Variants in SRGAP3 observed in about 807,000 individuals in gnomAD.
SRGAP3 encodes the protein SLIT-ROBO Rho GTPase-activating protein 3.
In SRGAP3, 39 loss-of-function variants were observed where a neutral mutation model predicts 121.1. That is an observed-to-expected ratio of 0.32 (90% CI 0.25 to 0.42). The LOEUF is 0.42. Among genes scored for constraint, SRGAP3 ranks in the 10% least tolerant of loss-of-function variants. The pLI is 1.00. For missense variants in SRGAP3, 1,213 were observed against 1,470.6 expected (o/e 0.82, Z 2.86); for synonymous variants, 601 against 570.0 (o/e 1.05, Z -0.77).
intron 1 of SRGAP3, among the ~76,000 whole-genome samples, chr3:9,341,066 G>A (rs1211807893): frequency 2.0e-5 from 3 of 152,226 alleles, no homozygotes; most frequent in African/African-American, 7.2e-5. Flanking sequence ...CAGAAAGAGA[G>A]AATGGGAATC....
rs60627619 is a variant in SRGAP3 at position 8,995,368 on chromosome 3, C to T, written c.2228-845G>A. Among the ~76,000 whole-genome samples the T allele has an allele frequency of 5.3e-5, 8 of 152,184 alleles. No homozygotes were observed. In the East Asian group the frequency reaches 1.4e-3, roughly 26 times the overall value. On this transcript the variant is annotated intron_variant, in intron 18 of 21. Transcript: ENST00000383836. Reference sequence around the variant, plus strand: ...GCACGTGCCTGTGGTGCCAGCTACTCTAGGGCCCGAGGCAGGAAGATCACT... The same window carrying T: ...GCACGTGCCTGTGGTGCCAGCTACTTTAGGGCCCGAGGCAGGAAGATCACT...
chr3:8,996,081 GT>G (rs1267349635), intron 18 of SRGAP3, among the ~76,000 whole-genome samples: 1 of 152,190 alleles, frequency 6.6e-6, no homozygotes, highest in Non-Finnish European at 1.5e-5. Flanking sequence ...GGGATACTTA[GT>G]TTTTCTTTCT....
At chr3:9,342,439 C>G (rs969590393) in intron 1 of SRGAP3, among the ~76,000 whole-genome samples, 1 of 152,136 alleles carries the variant, frequency 6.6e-6, no homozygotes, top group Admixed American at 6.6e-5. Flanking sequence ...CTTGGTGGTA[C>G]TCTACATACA....
At chr3:9,247,279 G>T (rs1160565644) in intron 1 of SRGAP3, among the ~76,000 whole-genome samples, 2 of 152,086 alleles carry the variant, frequency 1.3e-5, no homozygotes, top group Non-Finnish European at 2.9e-5. Flanking sequence ...CCAATAAAGC[G>T]CTTATTTCTA....
chr3:9,225,552 G>T (rs1466844471), intron 1 of SRGAP3, among the ~76,000 whole-genome samples: 1 of 152,154 alleles, frequency 6.6e-6, no homozygotes, highest in Non-Finnish European at 1.5e-5. Flanking sequence ...GTGAGCCACA[G>T]GTACTTTTTA....
chr3:9,242,965 A>G (rs567629478), intron 1 of SRGAP3, among the ~76,000 whole-genome samples: 1 of 152,312 alleles, frequency 6.6e-6, no homozygotes, highest in Admixed American at 6.5e-5. Flanking sequence ...GACTACAGAC[A>G]TGAACCACTG....
chr3:9,284,311 A>G (rs914741870), intron 3 of SRGAP3, among the ~76,000 whole-genome samples: 1 of 152,242 alleles, frequency 6.6e-6, no homozygotes, highest in Non-Finnish European at 1.5e-5. Flanking sequence ...GAGATTTAAT[A>G]AATTAATAAT....
intron 3 of SRGAP3, among the ~76,000 whole-genome samples, chr3:9,314,274 G>A (rs1290859124): frequency 2.0e-5 from 3 of 151,974 alleles, no homozygotes; most frequent in Non-Finnish European, 2.9e-5. Flanking sequence ...AGATGTTCCA[G>A]GGCAGGTGTG....
chr3:9,059,621 A>C (rs956142471), intron 6 of SRGAP3: 4 of 174,546 alleles, frequency 2.3e-5, no homozygotes, highest in Admixed American at 5.5e-5. Flanking sequence ...CCCCAGCACC[A>C]CCGCTCACAG....
intron 3 of SRGAP3, among the ~76,000 whole-genome samples, chr3:9,255,427 T>C (rs1954110628): frequency 6.6e-6 from 1 of 152,184 alleles, no homozygotes; most frequent in African/African-American, 2.4e-5. Context: ...CCCTGTAAGA[T>C]GGCAAAGATG....
intron 3 of SRGAP3, among the ~76,000 whole-genome samples, chr3:9,089,420 A>G (rs1448141207): frequency 6.6e-6 from 1 of 151,818 alleles, no homozygotes; most frequent in East Asian, 1.9e-4. Context: ...ACTCATAGCA[A>G]CTTACTATAA....
chr3:9,167,692 G>C (rs1950839435), intron 1 of SRGAP3, among the ~76,000 whole-genome samples: 1 of 152,190 alleles, frequency 6.6e-6, no homozygotes, highest in Non-Finnish European at 1.5e-5. Flanking sequence ...TCAGGAAGGA[G>C]GAGAATCCAG....
intron 1 of SRGAP3, among the ~76,000 whole-genome samples, chr3:9,136,410 A>ACCGCC (rs1234602738): frequency 3.4e-4 from 24 of 70,786 alleles, no homozygotes; most frequent in African/African-American, 7.5e-4. Context: ...CCCCCCCCCG[A>ACCGCC]CCGCCCCGCC....
In SRGAP3 at chr3:9,082,469, G is replaced by C. The variant is rs528954233; in HGVS notation, c.424-2382C>G. Reference sequence around the variant, plus strand: ...CTCTCACCAGACATCAAATCTGTCAGTGTCTTGCTCTTAGACTTCCCAGCC... The same window carrying C: ...CTCTCACCAGACATCAAATCTGTCACTGTCTTGCTCTTAGACTTCCCAGCC... On this transcript the variant is annotated intron_variant, in intron 3 of 21. Coordinates refer to ENST00000383836, the MANE Select transcript of SRGAP3 (RefSeq NM_014850.4). Among the ~76,000 whole-genome samples the C allele has an allele frequency of 9.2e-5, 14 of 152,324 alleles. No individual in the cohort carries two copies. The South Asian group carries it at 2.9e-3, about 32-fold the overall frequency.
chr3:8,982,831 T>C lies in SRGAP3; in HGVS notation c.*2688A>G. On this transcript the variant is annotated 3_prime_UTR_variant, in exon 22 of 22. Coordinates refer to ENST00000383836, the MANE Select transcript of SRGAP3 (RefSeq NM_014850.4). ...TCCCTAAATGTGAACTCATCAGCCA[T>C]TTCCCAATGGAAAAAAAAAAAAAAG... 1 of 211,118 alleles carries C rather than the reference T, an allele frequency of 4.7e-6. No homozygotes were observed. Among genetic ancestry groups the C allele is most frequent in the Non-Finnish European group, 9.2e-6 (1 of 108,728 alleles). The allele number at this position is 211,118 out of a possible 1,614,324, so 13.1% of individuals were successfully genotyped here. A position where few individuals can be genotyped will look rare whatever the true frequency, so the allele number is the denominator to read the frequency against.
intron 1 of SRGAP3, among the ~76,000 whole-genome samples, chr3:9,175,186 G>A (rs1315507667): frequency 3.3e-5 from 5 of 152,040 alleles, no homozygotes; most frequent in East Asian, 1.9e-4. Context: ...AAATAATTCC[G>A]TTAATTAAAA....
At chr3:9,058,782 C>T (rs1311294192) in intron 6 of SRGAP3, 8 of 335,108 alleles carry the variant, frequency 2.4e-5, no homozygotes, top group South Asian at 9.5e-5. Context: ...TGCAGTGGCA[C>T]GATCTCGGCT....
chr3:9,317,636 G>C (rs956556077), intron 3 of SRGAP3, among the ~76,000 whole-genome samples: 5 of 152,252 alleles, frequency 3.3e-5, no homozygotes, highest in Non-Finnish European at 7.3e-5. Flanking sequence ...AACTGAGAGT[G>C]TAAGAAGAGA....
At chr3:9,259,967 C>G (rs1392615973) in intron 3 of SRGAP3, among the ~76,000 whole-genome samples, 3 of 151,578 alleles carry the variant, frequency 2.0e-5, no homozygotes, top group African/African-American at 7.3e-5. Context: ...TCTCATTGGG[C>G]CTGGTTAGAC....
Sources: gnomAD v4.1 joint callset for allele counts (sites outside exome capture counted in the v4.1 genomes callset) on GRCh38, gnomAD v4.1.1 for gene constraint, MANE v1.5 for transcripts, NCBI Gene and HGNC (gene_info 2026-07-23, HGNC 2026-07-21) for gene names.